Variants in ZNF521 observed in about 807,000 individuals in gnomAD.
ZNF521 encodes LYST-interacting protein 3.
In ZNF521, 14 loss-of-function variants were observed where a neutral mutation model predicts 105.5. That is an observed-to-expected ratio of 0.13 (90% CI 0.09 to 0.21). The LOEUF (loss-of-function observed/expected upper bound fraction) is 0.21. ZNF521 is among the 10% of genes least tolerant of loss of function. The pLI is 1.00. For missense variants in ZNF521, 1,233 were observed against 1,629.7 expected, an observed-to-expected ratio of 0.76 and a Z score of 4.19; for synonymous variants, 635 against 606.0, an observed-to-expected ratio of 1.05 and a Z score of -0.70.
intron 2 of ZNF521, among the ~76,000 whole-genome samples, chr18:25,342,024 G>A (rs1475697833): frequency 6.6e-6 from 1 of 152,184 alleles, no homozygotes; most frequent in Non-Finnish European, 1.5e-5. Context: ...AAATCCTAGA[G>A]TACAGAGGGT....
chr18:25,327,840 T>C (rs80233719), intron 2 of ZNF521, among the ~76,000 whole-genome samples: 5 of 152,208 alleles, frequency 3.3e-5, no homozygotes, highest in African/African-American at 1.2e-4. Flanking sequence ...ATTTTTTTTA[T>C]TACTGTCAAC....
chr18:25,333,448 T>A (rs753446279), intron 2 of ZNF521, among the ~76,000 whole-genome samples: 6 of 152,040 alleles, frequency 3.9e-5, no homozygotes, highest in Non-Finnish European at 7.4e-5. Context: ...AATAATCTGG[T>A]CAATTCCGCT....
intron 2 of ZNF521, among the ~76,000 whole-genome samples, chr18:25,345,026 C>T (rs983910542): frequency 6.6e-6 from 1 of 152,162 alleles, no homozygotes. Flanking sequence ...GCTTTTACAT[C>T]AAAATGAAAA....
chr18:25,201,401 C>A (rs371023296), intron 4 of ZNF521: 1 of 152,186 alleles, frequency 6.6e-6, no homozygotes, highest in South Asian at 2.1e-4. Flanking sequence ...GGGATTAAAC[C>A]CTAATTACCA....
chr18:25,264,491 TATG>T (rs1213166201), intron 3 of ZNF521, among the ~76,000 whole-genome samples: 1 of 152,210 alleles, frequency 6.6e-6, no homozygotes, highest in Non-Finnish European at 1.5e-5. Context: ...ATTAAAATTA[TATG>T]ATGATAATTT....
At chr18:25,320,060 T>A (rs977910604) in intron 3 of ZNF521, among the ~76,000 whole-genome samples, 1 of 152,194 alleles carries the variant, frequency 6.6e-6, no homozygotes, top group Admixed American at 6.5e-5. Flanking sequence ...TTATGCATGA[T>A]CCTGAATCGT....
In ZNF521 at chr18:25,225,104, G is replaced by A; in HGVS notation, c.2814C>T (p.Thr938=). The A allele has an allele frequency of 6.2e-7, 1 of 1,614,174 alleles. No homozygotes were observed. The highest frequency in any genetic ancestry group is 8.5e-7 in the Non-Finnish European group (1 of 1,180,016). ...CCCGGAGGCCATTTTCGGAGAAGAA[G>A]GTTCGAGAGCACACGTTGCACTTGT... ...GNYKCNVCSR[T]FFSENGLREH... is the part of the protein sequence containing the mutation. The change falls in exon 4 of 8, where the codon ACC becomes ACT. Residue 938 remains threonine, a synonymous_variant. Transcript: ENST00000361524. This position sits in a 1 kb window ranked among gnomAD's most constrained non-coding sequence, Gnocchi z 5.6.
chr18:25,290,057 G>T (rs1415762959), intron 3 of ZNF521, among the ~76,000 whole-genome samples: 1 of 152,128 alleles, frequency 6.6e-6, no homozygotes, highest in East Asian at 1.9e-4. Flanking sequence ...TATACAATTT[G>T]CTAAAATGAT....
chr18:25,295,287 G>A (rs150676644), intron 3 of ZNF521, among the ~76,000 whole-genome samples: 60 of 152,034 alleles, frequency 3.9e-4, no homozygotes, highest in African/African-American at 1.4e-3. Flanking sequence ...TTGTTTCTTG[G>A]GTCAATTCGA....
rs9966049 is a variant in ZNF521, at chr18:25,267,103, G to A, written c.221-39406C>T. ...GAGCTTGGTGGGGGGAGGGGCGTCC[G>A]CCATTGCTGAGGCTTGAGTAGGCAG... is the stretch of plus-strand genomic sequence containing the variant. On this transcript the variant is annotated intron_variant, in intron 3 of 7. Coordinates refer to ENST00000361524, the MANE Select transcript of ZNF521 (RefSeq NM_015461.3). 3.9e-3 allele frequency among the ~76,000 whole-genome samples: 591 copies of A among 152,200 alleles called. 8 individuals are homozygous for A. Among genetic ancestry groups the A allele is most frequent in the African/African-American group, 0.014 (568 of 41,548 alleles).
intron 5 of ZNF521, among the ~76,000 whole-genome samples, chr18:25,177,523 G>A (rs1011351643): frequency 5.3e-5 from 8 of 151,720 alleles, no homozygotes; most frequent in Non-Finnish European, 8.8e-5. Flanking sequence ...TGACTTACAG[G>A]AATGCAAACT....
intron 3 of ZNF521, among the ~76,000 whole-genome samples, chr18:25,249,465 C>G (rs927757351): frequency 1.3e-5 from 2 of 150,154 alleles, no homozygotes; most frequent in African/African-American, 4.9e-5. Flanking sequence ...CCTTTACTTT[C>G]TTTCTTTTTT....
At chr18:25,070,876 A>C (rs922831143) in intron 7 of ZNF521, among the ~76,000 whole-genome samples, 1 of 152,230 alleles carries the variant, frequency 6.6e-6, no homozygotes, top group African/African-American at 2.4e-5. Context: ...TCTGAATTTA[A>C]GGGTTTTGAA....
chr18:25,120,606 CAAACAA>C (rs2034419623), intron 5 of ZNF521, among the ~76,000 whole-genome samples: 1 of 88,560 alleles, frequency 1.1e-5, no homozygotes, highest in African/African-American at 5.0e-5. Context: ...AAAAAAACCA[CAAACAA>C]ACAAACAAAC....
chr18:25,285,006 C>T (rs1910613063), intron 3 of ZNF521, among the ~76,000 whole-genome samples: 1 of 151,662 alleles, frequency 6.6e-6, no homozygotes, highest in Non-Finnish European at 1.5e-5. Context: ...CAGCTGCTTC[C>T]TTACCCTGAC....
chr18:25,264,164 T>G (rs1909098135), intron 3 of ZNF521, among the ~76,000 whole-genome samples: 1 of 152,154 alleles, frequency 6.6e-6, no homozygotes, highest in Middle Eastern at 3.2e-3. Context: ...CAACTACTCT[T>G]GTATCTCAGG....
intron 4 of ZNF521, among the ~76,000 whole-genome samples, chr18:25,220,859 C>G (rs1458846416): frequency 6.6e-6 from 1 of 152,152 alleles, no homozygotes; most frequent in African/African-American, 2.4e-5. Context: ...CCAGATGGGG[C>G]AGCCCCTGAG....
chr18:25,123,317 T>A (rs4278828), intron 5 of ZNF521, among the ~76,000 whole-genome samples: 144,051 of 152,002 alleles, frequency 0.95, 68,404 homozygotes, highest in Middle Eastern at 0.99. Context: ...GGGGACTAAA[T>A]TATTGAGTCA....
intron 5 of ZNF521, among the ~76,000 whole-genome samples, chr18:25,103,354 G>C (rs1485138890): frequency 6.6e-6 from 1 of 152,038 alleles, no homozygotes; most frequent in Non-Finnish European, 1.5e-5. Flanking sequence ...CTCCTTTATG[G>C]AGTTATAATT....
Sources: gnomAD v4.1 joint callset for allele counts (sites outside exome capture counted in the v4.1 genomes callset) on GRCh38, gnomAD v4.1.1 for gene constraint, Gnocchi (gnomAD v3.1) non-coding constraint, MANE v1.5 for transcripts, NCBI Gene and HGNC (gene_info 2026-07-23, HGNC 2026-07-21) for gene names.